The following GNL3L variants were observed in gnomAD, a reference collection of about 807,000 sequenced individuals.
GNL3L encodes the protein guanine nucleotide-binding protein-like 3-like protein.
A neutral mutation model predicts 42.9 loss-of-function variants in GNL3L; 4 were observed. That is an observed-to-expected ratio of 0.09 (90% CI 0.05 to 0.21). The LOEUF is 0.21. GNL3L is among the 10% of genes least tolerant of loss of function. The pLI is 1.00. For synonymous variants in GNL3L, 159 were observed against 176.3 expected (o/e 0.90, Z 0.78); for missense variants, 412 against 481.7 (o/e 0.86, Z 1.36).
intron 16 of GNL3L, among the ~76,000 whole-genome samples, chrX:54,596,403 T>C (rs1317798613): frequency 1.8e-5 from 2 of 111,826 alleles, no homozygotes; most frequent in African/African-American, 6.5e-5. Context: ...CCTTACTTTC[T>C]CCTAAACAAA....
chrX:54,644,537 T>G, the GNL3L span, among the ~76,000 whole-genome samples: 1 of 112,139 alleles, frequency 8.9e-6, no homozygotes, highest in East Asian at 2.8e-4. Flanking sequence ...ATTGACTCAT[T>G]GAATTGGAAT....
At chrX:54,634,677 C>T in the GNL3L span, among the ~76,000 whole-genome samples, 1 of 101,768 alleles carries the variant, frequency 9.8e-6, no homozygotes, top group Non-Finnish European at 2.0e-5. Context: ...TTAGTAGACA[C>T]GGGGTTTCAC....
rs1249885070 is a variant in GNL3L, at chrX:54,565,996, T to C, written c.*5394T>C. Among the ~76,000 whole-genome samples, 3 of 109,036 alleles carry C rather than the reference T, an allele frequency of 2.8e-5. No homozygotes were observed. Among genetic ancestry groups the C allele is most frequent in the African/African-American group, 1.0e-4 (3 of 29,892 alleles). The allele number at this position is 109,036 out of a possible 115,157, so 94.7% of individuals were successfully genotyped here. On this transcript the variant is annotated 3_prime_UTR_variant, in exon 16 of 16. Transcript: ENST00000360845. The stretch of plus-strand genomic sequence containing the variant: ...CCACCATGCTTGGCTAACTTTTATA[T>C]TTTTACCAGAGACAAGGTTTCACCA...
chrX:54,533,277 A>G (rs981857637), intron 2 of GNL3L, among the ~76,000 whole-genome samples: 2 of 108,922 alleles, frequency 1.8e-5, no homozygotes, highest in African/African-American at 6.7e-5. Context: ...CTGAGGCAGG[A>G]GAATCGCTTG....
At chrX:54,579,982 G>GTTTTTT (rs1158646056) in intron 16 of GNL3L, among the ~76,000 whole-genome samples, 18 of 54,814 alleles carry the variant, frequency 3.3e-4, no homozygotes, top group African/African-American at 3.0e-3. Context: ...CTGGCCTAAA[G>GTTTTTT]TTTGTTTTTT....
intron 16 of GNL3L, among the ~76,000 whole-genome samples, chrX:54,572,838 C>T (rs867072675): frequency 4.6e-4 from 49 of 107,342 alleles, no homozygotes; most frequent in African/African-American, 1.5e-3. Flanking sequence ...GCGGGGCGGC[C>T]GGGCAGAGAC....
chrX:54,557,074 C>G (rs192634197), intron 14 of GNL3L, among the ~76,000 whole-genome samples: 7 of 108,358 alleles, frequency 6.5e-5, no homozygotes, highest in Non-Finnish European at 1.1e-4. Context: ...CTCAGCTACT[C>G]GAGAGGTTGA....
chrX:54,630,589 C>T, the GNL3L span, among the ~76,000 whole-genome samples: 1 of 109,061 alleles, frequency 9.2e-6, no homozygotes, highest in Non-Finnish European at 1.9e-5. Flanking sequence ...AGTTGATTTC[C>T]AATTTTGTTC....
chrX:54,642,472 T>G, the GNL3L span, among the ~76,000 whole-genome samples: 1 of 111,614 alleles, frequency 9.0e-6, no homozygotes, highest in South Asian at 3.8e-4. Flanking sequence ...GGCCTCTGTT[T>G]CCAGAACACG....
chrX:54,632,506 A>G, the GNL3L span, among the ~76,000 whole-genome samples: 5 of 110,795 alleles, frequency 4.5e-5, no homozygotes, highest in East Asian at 2.8e-4. Context: ...GGTTAATTCA[A>G]AAGTCTTCGA....
chrX:54,624,730 C>T (rs183588832), downstream of GNL3L, among the ~76,000 whole-genome samples: 12 of 110,679 alleles, frequency 1.1e-4, no homozygotes, highest in South Asian at 3.8e-4. Context: ...CATGAGCCAC[C>T]GCACCTGGCA....
chrX:54,599,921 C>T (rs1478353394), intron 16 of GNL3L, among the ~76,000 whole-genome samples: 2 of 110,737 alleles, frequency 1.8e-5, no homozygotes, highest in Non-Finnish European at 3.8e-5. Context: ...CTCTTCATAT[C>T]TTCTATTTAT....
intron 16 of GNL3L, among the ~76,000 whole-genome samples, chrX:54,582,020 T>C (rs1248199780): frequency 1.8e-5 from 2 of 112,197 alleles, no homozygotes; most frequent in African/African-American, 6.5e-5. Context: ...GTGCTGTCAT[T>C]TGGATGTTTG....
intron 16 of GNL3L, among the ~76,000 whole-genome samples, chrX:54,616,000 G>A (rs1431282677): frequency 2.7e-5 from 3 of 113,009 alleles, no homozygotes; most frequent in African/African-American, 6.4e-5. Flanking sequence ...GCTGTTTCAC[G>A]GATGTCATCA....
chrX:54,586,163 A>T (rs1025888296), intron 16 of GNL3L, among the ~76,000 whole-genome samples: 5 of 111,389 alleles, frequency 4.5e-5, no homozygotes, highest in African/African-American at 9.8e-5. Context: ...CTGGGCCAAG[A>T]TCACCTTGGA....
At chrX:54,557,911 CAG>C (rs1253466917) in intron 14 of GNL3L, among the ~76,000 whole-genome samples, 1 of 108,064 alleles carries the variant, frequency 9.3e-6, no homozygotes, top group Non-Finnish European at 1.9e-5. Flanking sequence ...TTTTTTGAGA[CAG>C]AGTCTCTGTT....
chrX:54,630,951 CGTCCAT>C, the GNL3L span, among the ~76,000 whole-genome samples: 1 of 106,356 alleles, frequency 9.4e-6, no homozygotes, highest in African/African-American at 3.5e-5. Flanking sequence ...GGATTACAGG[CGTCCAT>C]CACCACTCCC....
In GNL3L at chrX:54,583,078, G is replaced by A. The variant is rs186344262; in HGVS notation, c.*45+22431G>A. 1.3e-4 allele frequency among the ~76,000 whole-genome samples: 15 copies of A among 111,879 alleles called. No individual in the cohort carries two copies. In the East Asian group the frequency reaches 3.6e-3, roughly 27 times the overall value. ...TAGATATTAGTCATTTGTTGAATGC[G>A]TGGTTTGCAAATAATTTCTCTCAGT... On this transcript the variant is annotated intron_variant, in intron 16 of 16. Transcript: ENST00000674498.
At chrX:54,600,206 CTTTTTTTTTTTTTTTTTT>C (rs1172527598) in intron 16 of GNL3L, among the ~76,000 whole-genome samples, 19 of 13,401 alleles carry the variant, frequency 1.4e-3, no homozygotes, top group Non-Finnish European at 4.0e-4. Flanking sequence ...CAATCTGCTG[CTTTTTTTTTTTTTTTTTT>C]TTTTTTTTTT....
Sources: gnomAD v4.1 joint callset for allele counts (sites outside exome capture counted in the v4.1 genomes callset) on GRCh38, gnomAD v4.1.1 for gene constraint, MANE v1.5 for transcripts, NCBI Gene and HGNC (gene_info 2026-07-23, HGNC 2026-07-21) for gene names.